RABGEF1: variants seen among roughly 807,000 people sequenced by gnomAD.
RABGEF1 encodes the protein RAB guanine nucleotide exchange factor 1, also known as rab5 GDP/GTP exchange factor.
A neutral mutation model predicts 57.3 loss-of-function variants in RABGEF1; 26 were observed. The observed-to-expected ratio is 0.45, with a 90% CI of 0.33 to 0.63. RABGEF1 has a LOEUF of 0.63. Ranked by LOEUF, RABGEF1 falls within the 20% of genes least tolerant of loss-of-function variation. The probability of loss-of-function intolerance (pLI) is 0.02; values close to 1 mark genes in which losing one functional copy is unlikely to be tolerated. For missense variants in RABGEF1, 464 were observed against 607.6 expected (o/e 0.76, Z 2.48); for synonymous variants, 185 against 210.7 (o/e 0.88, Z 1.06).
intron 1 of RABGEF1, among the ~76,000 whole-genome samples, chr7:66,769,504 C>T (rs950495604): frequency 1.3e-5 from 2 of 152,202 alleles, no homozygotes; most frequent in African/African-American, 4.8e-5. Flanking sequence ...TGTGCATACA[C>T]AGAGGAGACA....
chr7:66,691,100 A>G (rs1160488790), intron 1 of RABGEF1, among the ~76,000 whole-genome samples: 1 of 152,160 alleles, frequency 6.6e-6, no homozygotes, highest in East Asian at 1.9e-4. Flanking sequence ...CAAAAAAACA[A>G]AAAGAAAATG....
chr7:66,673,765 A>G, the RABGEF1 span, among the ~76,000 whole-genome samples: 1 of 151,504 alleles, frequency 6.6e-6, no homozygotes, highest in African/African-American at 2.4e-5. Flanking sequence ...CTATGGTCCC[A>G]GTTATTCGGG....
At chr7:66,725,394 C>T (rs1796478131) in intron 2 of RABGEF1, among the ~76,000 whole-genome samples, 1 of 152,210 alleles carries the variant, frequency 6.6e-6, no homozygotes, top group South Asian at 2.1e-4. Flanking sequence ...CCTAGGCCAC[C>T]ACCCATCTAC....
chr7:66,674,315 G>A, the RABGEF1 span, among the ~76,000 whole-genome samples: 1 of 151,552 alleles, frequency 6.6e-6, no homozygotes, highest in Non-Finnish European at 1.5e-5. Flanking sequence ...TCAGCCTCCT[G>A]AGTAGATGGG....
intron 2 of RABGEF1, among the ~76,000 whole-genome samples, chr7:66,727,085 T>G (rs1478687649): frequency 3.9e-5 from 6 of 152,244 alleles, no homozygotes; most frequent in African/African-American, 7.2e-5. Flanking sequence ...CACTGAATGG[T>G]ACACTTTAAA....
chr7:66,753,700 CGTTT>C (rs1801976945), intron 1 of RABGEF1, among the ~76,000 whole-genome samples: 1 of 78,510 alleles, frequency 1.3e-5, no homozygotes, highest in African/African-American at 3.8e-5. Context: ...ATTTTGCCAT[CGTTT>C]TTTTTTTTTT....
chr7:66,773,764 C>G lies in RABGEF1; in HGVS notation c.180-1463C>G, dbSNP rs1483963538. On this transcript the variant is annotated intron_variant, in intron 2 of 8. Coordinates refer to ENST00000284957, the MANE Select transcript of RABGEF1 (RefSeq NM_014504.3). ...TACTGCAACCTCTGCTTCCTGGGCT[C>G]AAGTGATCCTCCTGCTTCAGCCTCC... is the stretch of plus-strand genomic sequence containing the variant. 3 of 453,392 alleles carry G rather than the reference C, an allele frequency of 6.6e-6. No individual in the cohort carries two copies. The Admixed American group carries it at 7.1e-5, about 11-fold the overall frequency. 28.1% of individuals were successfully genotyped at this position (453,392 alleles called of 1,614,324 possible).
At chr7:66,697,973 A>G (rs1431850250) in intron 1 of RABGEF1, among the ~76,000 whole-genome samples, 1 of 151,932 alleles carries the variant, frequency 6.6e-6, no homozygotes, top group Non-Finnish European at 1.5e-5. Flanking sequence ...CTCCATCCCC[A>G]CTACCTAGGC....
intron 1 of RABGEF1, among the ~76,000 whole-genome samples, chr7:66,701,239 C>T (rs1793213101): frequency 6.6e-6 from 1 of 152,198 alleles, no homozygotes; most frequent in African/African-American, 2.4e-5. Context: ...TAGCTCAGGC[C>T]TGTAATCTCC....
intron 1 of RABGEF1, among the ~76,000 whole-genome samples, chr7:66,764,700 T>G (rs1446011012): frequency 1.3e-5 from 2 of 152,236 alleles, no homozygotes; most frequent in East Asian, 3.8e-4. Flanking sequence ...TTCCCGGCAC[T>G]ATTTGGTGAA....
intron 8 of RABGEF1, among the ~76,000 whole-genome samples, chr7:66,806,008 G>A (rs1324612880): frequency 6.6e-6 from 1 of 151,698 alleles, no homozygotes; most frequent in Non-Finnish European, 1.5e-5. Context: ...ACCTCCCTAA[G>A]AGTTGGAACT....
At chr7:66,706,148 C>T (rs1227624717) in intron 1 of RABGEF1, among the ~76,000 whole-genome samples, 7 of 151,304 alleles carry the variant, frequency 4.6e-5, no homozygotes, top group Non-Finnish European at 5.9e-5. Context: ...ATGATCCACC[C>T]GCCTCGGCCT....
At chr7:66,746,479 C>T (rs1445840408) in intron 1 of RABGEF1, among the ~76,000 whole-genome samples, 2 of 151,512 alleles carry the variant, frequency 1.3e-5, no homozygotes, top group African/African-American at 4.8e-5. Flanking sequence ...TTAGTAGAGA[C>T]GGGGTTTCAC....
chr7:66,781,478 G>A (rs1202454062), intron 3 of RABGEF1, among the ~76,000 whole-genome samples: 6 of 152,046 alleles, frequency 3.9e-5, no homozygotes, highest in East Asian at 3.9e-4. Context: ...CATCACCTAC[G>A]TTAGGTATTT....
chr7:66,756,703 C>T (rs559182886), intron 1 of RABGEF1, among the ~76,000 whole-genome samples: 34 of 152,058 alleles, frequency 2.2e-4, no homozygotes, highest in Non-Finnish European at 4.3e-4. Context: ...TTAGATGACA[C>T]TCATCTCTTT....
rs989509256 is a variant in RABGEF1, at chr7:66,810,884, A to G, written c.*1600A>G. 1 of 152,218 alleles carries G rather than the reference A, an allele frequency of 6.6e-6. No homozygotes were observed. Among genetic ancestry groups the G allele is most frequent in the African/African-American group, 2.4e-5 (1 of 41,456 alleles). The allele number at this position is 152,218 out of a possible 1,614,324, so 9.4% of individuals were successfully genotyped here. A position where few individuals can be genotyped will look rare whatever the true frequency, so the allele number is the denominator to read the frequency against. Reference sequence around the variant, plus strand: ...ACTTCTTATTCTTAAATTTACATATAAGATCTATTAAGCTTGACACATCTG... The same window carrying G: ...ACTTCTTATTCTTAAATTTACATATGAGATCTATTAAGCTTGACACATCTG... On this transcript the variant is annotated 3_prime_UTR_variant, in exon 9 of 9. Transcript: ENST00000284957.
chr7:66,787,377 T>C (rs920755140), intron 4 of RABGEF1, among the ~76,000 whole-genome samples: 6 of 143,410 alleles, frequency 4.2e-5, no homozygotes, highest in African/African-American at 1.5e-4. Context: ...AGAGTCTTGC[T>C]CTGTTGCCCA....
chr7:66,778,589 A>T (rs1809102435), intron 3 of RABGEF1, among the ~76,000 whole-genome samples: 1 of 152,186 alleles, frequency 6.6e-6, no homozygotes, highest in Non-Finnish European at 1.5e-5. Context: ...TGATTCTCTA[A>T]AGCATATCTT....
At chr7:66,726,306 G>C (rs1315462295) in intron 2 of RABGEF1, among the ~76,000 whole-genome samples, 1 of 152,098 alleles carries the variant, frequency 6.6e-6, no homozygotes, top group Non-Finnish European at 1.5e-5. Context: ...TCTCACCTGT[G>C]GGTTCAGCTT....
Sources: gnomAD v4.1 joint callset for allele counts (sites outside exome capture counted in the v4.1 genomes callset) on GRCh38, gnomAD v4.1.1 for gene constraint, MANE v1.5 for transcripts, NCBI Gene and HGNC (gene_info 2026-07-23, HGNC 2026-07-21) for gene names.